Variants in DLGAP2 observed in about 807,000 individuals in gnomAD.
The protein encoded by DLGAP2 is disks large-associated protein 2.
In DLGAP2, 26 loss-of-function variants were observed where a neutral mutation model predicts 100.3. That is an observed-to-expected ratio of 0.26 (90% CI 0.19 to 0.36). The LOEUF (loss-of-function observed/expected upper bound fraction) is 0.36, where lower values mean the gene tolerates loss of function less well. DLGAP2 is among the 10% of genes least tolerant of loss of function. The pLI is 1.00. For missense variants in DLGAP2, 1,858 were observed against 1,453.2 expected (o/e 1.28, Z -4.53); for synonymous variants, 886 against 630.1 (o/e 1.41, Z -6.08).
intron 2 of DLGAP2, among the ~76,000 whole-genome samples, chr8:1,031,242 C>T (rs879919435): frequency 8.5e-5 from 13 of 152,070 alleles, no homozygotes; most frequent in Non-Finnish European, 1.6e-4. Flanking sequence ...GGAGGGCTCC[C>T]GTTTCCTTGA....
At position 1,321,091 on chromosome 8, in the gene DLGAP2, G is replaced by A. The variant is rs185897213; in HGVS notation, c.106+62208G>A. Among the ~76,000 whole-genome samples the A allele has an allele frequency of 3.0e-3, 456 of 151,694 alleles. 2 individuals are homozygous for A. The highest frequency in any genetic ancestry group is 0.014 in the South Asian group (67 of 4,798). On this transcript the variant is annotated intron_variant, in intron 3 of 14. Transcript: ENST00000637795. The stretch of plus-strand genomic sequence containing the variant: ...TGCATCTGTGTGCCTCTGTGTGTGC[G>A]CATGCATCCATGTGCCTCTGTGTGT...
At chr8:1,440,975 C>T (rs891498343) in intron 3 of DLGAP2, among the ~76,000 whole-genome samples, 1 of 152,102 alleles carries the variant, frequency 6.6e-6, no homozygotes, top group East Asian at 1.9e-4. Context: ...TACATGAAAC[C>T]CTCCCAGCAC....
At chr8:1,689,429 C>G (rs960340504) in intron 12 of DLGAP2, among the ~76,000 whole-genome samples, 3 of 152,186 alleles carry the variant, frequency 2.0e-5, no homozygotes, top group African/African-American at 7.2e-5. Flanking sequence ...GGGGATGGAT[C>G]TCTCGCCTCT....
chr8:1,659,099 C>A (rs1020571089), intron 8 of DLGAP2, among the ~76,000 whole-genome samples: 18 of 152,184 alleles, frequency 1.2e-4, no homozygotes, highest in Admixed American at 3.9e-4. Context: ...TCGTTATTTA[C>A]CCAGTAGTCA....
chr8:842,577 T>C (rs1211163488), intron 1 of DLGAP2, among the ~76,000 whole-genome samples: 2 of 152,120 alleles, frequency 1.3e-5, no homozygotes, highest in Non-Finnish European at 2.9e-5. Context: ...TCTTTCAATA[T>C]GTAGTCAAAC....
chr8:813,622 G>A (rs958476076), intron 1 of DLGAP2, among the ~76,000 whole-genome samples: 4 of 152,086 alleles, frequency 2.6e-5, no homozygotes, highest in Non-Finnish European at 5.9e-5. Flanking sequence ...AGGAGGTGAG[G>A]GCCTAGACAC....
At chr8:1,310,391 T>C (rs1489019369) in intron 3 of DLGAP2, among the ~76,000 whole-genome samples, 1 of 152,114 alleles carries the variant, frequency 6.6e-6, no homozygotes, top group Admixed American at 6.6e-5. Context: ...ATTGATGGAA[T>C]TGGAGAAAGT....
chr8:845,347 A>C (rs1797054106), intron 1 of DLGAP2, among the ~76,000 whole-genome samples: 1 of 152,162 alleles, frequency 6.6e-6, no homozygotes, highest in African/African-American at 2.4e-5. Flanking sequence ...AGTGGTGTGA[A>C]GGGTATGGTA....
chr8:846,489 A>G (rs118097396), intron 1 of DLGAP2, among the ~76,000 whole-genome samples: 2,976 of 152,312 alleles, frequency 0.02, 50 homozygotes, highest in Middle Eastern at 0.048. Context: ...GCTGAATAGT[A>G]TTCCACTGTC....
At chr8:1,593,163 T>G (rs1796340820) in intron 6 of DLGAP2, among the ~76,000 whole-genome samples, 1 of 152,066 alleles carries the variant, frequency 6.6e-6, no homozygotes. Flanking sequence ...TTACAAAAAT[T>G]TAGACACTAG....
At chr8:1,564,532 G>A (rs1316995333) in intron 5 of DLGAP2, among the ~76,000 whole-genome samples, 1 of 152,218 alleles carries the variant, frequency 6.6e-6, no homozygotes, top group Non-Finnish European at 1.5e-5. Context: ...TCTCAGCTCT[G>A]TGCAAGGCAG....
At chr8:1,690,439 T>TG (rs1799229032) in intron 12 of DLGAP2, among the ~76,000 whole-genome samples, 1 of 151,642 alleles carries the variant, frequency 6.6e-6, no homozygotes, top group Non-Finnish European at 1.5e-5. Flanking sequence ...GCACGGTGGC[T>TG]CACGCCTGTA....
chr8:1,654,284 C>A (rs1476318225), intron 8 of DLGAP2, among the ~76,000 whole-genome samples: 1 of 152,216 alleles, frequency 6.6e-6, no homozygotes, highest in African/African-American at 2.4e-5. Context: ...CCAGCATCCT[C>A]CAGTTCTTGG....
chr8:808,136 G>A (rs1348026578), intron 1 of DLGAP2, among the ~76,000 whole-genome samples: 3 of 152,156 alleles, frequency 2.0e-5, no homozygotes, highest in African/African-American at 7.2e-5. Context: ...AGGGTCGTCG[G>A]CACGTGGGTC....
chr8:1,085,328 T>G (rs544032198), intron 2 of DLGAP2, among the ~76,000 whole-genome samples: 20 of 152,352 alleles, frequency 1.3e-4, no homozygotes, highest in Middle Eastern at 3.4e-3. Context: ...TTTACCTCAT[T>G]GATTCTTTGT....
intron 12 of DLGAP2, among the ~76,000 whole-genome samples, chr8:1,684,089 C>T (rs953180364): frequency 6.6e-6 from 1 of 150,518 alleles, no homozygotes; most frequent in South Asian, 2.1e-4. Flanking sequence ...TCAAGCAATG[C>T]TCCTGCTTCA....
At chr8:755,192 A>C (rs1820891405) in intron 1 of DLGAP2, among the ~76,000 whole-genome samples, 6 of 152,094 alleles carry the variant, frequency 3.9e-5, no homozygotes. Flanking sequence ...GATAAATATT[A>C]AGTATCCTGT....
chr8:1,135,849 A>C (rs1459914040), intron 2 of DLGAP2, among the ~76,000 whole-genome samples: 1 of 152,218 alleles, frequency 6.6e-6, no homozygotes, highest in Non-Finnish European at 1.5e-5. Context: ...TCTGCTGAGC[A>C]CGGGGGATTG....
intron 3 of DLGAP2, among the ~76,000 whole-genome samples, chr8:1,383,756 C>T (rs1563118749): frequency 6.6e-6 from 1 of 152,198 alleles, no homozygotes; most frequent in Non-Finnish European, 1.5e-5. Context: ...CCTATATTAA[C>T]TTGACATTAA....
Sources: gnomAD v4.1 joint callset for allele counts (sites outside exome capture counted in the v4.1 genomes callset) on GRCh38, gnomAD v4.1.1 for gene constraint, MANE v1.5 for transcripts, NCBI Gene and HGNC (gene_info 2026-07-23, HGNC 2026-07-21) for gene names.